Variants in SRMS observed in about 807,000 individuals in gnomAD.
SRMS encodes tyrosine-protein kinase Srms.
Under a neutral mutation model 43.5 loss-of-function variants are expected in SRMS, and 42 were observed. The observed-to-expected ratio is 0.97, with a 90% CI of 0.75 to 1.25. The LOEUF (loss-of-function observed/expected upper bound fraction) is 1.25, where lower values mean the gene tolerates loss of function less well. Among genes scored for constraint, SRMS ranks in the 50% most tolerant of loss-of-function variants. SRMS has a pLI of 0.00. For missense variants in SRMS, 703 were observed against 681.0 expected (o/e 1.03, Z -0.36); for synonymous variants, 316 against 308.2 (o/e 1.03, Z -0.27).
chr20:63,546,863 C>A (rs1035784110), intron 1 of SRMS, among the ~76,000 whole-genome samples: 11 of 152,242 alleles, frequency 7.2e-5, no homozygotes, highest in South Asian at 6.2e-4. Context: ...TGCTCCCCCC[C>A]ACAGGACCTG....
At chr20:63,542,038 G>A in intron 5 of SRMS, 125 bp downstream of exon 5, 5 of 1,369,216 alleles carry the variant, frequency 3.7e-6, no homozygotes, top group Non-Finnish European at 3.9e-6. Context: ...CTGCAGCCGG[G>A]GCCACCTGCT....
In SRMS at chr20:63,542,450, G is replaced by A. The variant is rs2082710258; in HGVS notation, c.777C>T (p.Val259=). 6.2e-7 allele frequency: 1 copy of A among 1,611,750 alleles called. No individual in the cohort carries two copies. The highest frequency in any genetic ancestry group is 1.3e-5 in the African/African-American group (1 of 75,012). The part of the protein sequence containing the change: ...WLGSLPVAIK[V]IKSANMKLTD... ...ATCTCGGGGCCTCACCTGACTTGAT[G>A]ACCTTGATCGCCACGGGCAGGGAGC... is the stretch of plus-strand genomic sequence containing the variant. Residue 259 remains valine (V), a synonymous_variant, in exon 4 of 8, where the codon GTC becomes GTT. Coordinates refer to ENST00000217188, the MANE Select transcript of SRMS (RefSeq NM_080823.4).
rs1189770815 is a variant in SRMS at position 63,541,324 on chromosome 20, G to A, written c.1152C>T (p.Ser384=). 1 of 1,541,388 alleles carries A rather than the reference G, an allele frequency of 6.5e-7. No homozygotes were observed. The highest frequency in any genetic ancestry group is 1.2e-5 in the South Asian group (1 of 80,386). The change falls in exon 7 of 8, where the codon AGC becomes AGT. Residue 384 remains serine (S), a synonymous_variant. Transcript: ENST00000217188. The stretch of plus-strand genomic sequence containing the variant: ...TCCACTTGACCGGGATCTTGGAGCT[G>A]CTGCTCGGGGAGTAGATGTCGTCCT... ...LLKDDIYSPS[S]SSKIPVKWTA... is the part of the protein sequence containing the mutation.
chr20:63,541,744 T>G, intron 5 of SRMS, 124 bp from the exon 6 acceptor site: 1 of 1,256,078 alleles, frequency 8.0e-7, no homozygotes, highest in South Asian at 1.6e-5. Context: ...GAGGATGGCA[T>G]GGCCGGCTAA....
At chr20:63,543,934 A>C (rs945161207) in intron 2 of SRMS, among the ~76,000 whole-genome samples, 2 of 152,188 alleles carry the variant, frequency 1.3e-5, no homozygotes, top group Non-Finnish European at 2.9e-5. Context: ...TGAATTAGTG[A>C]GTGAGGAATG....
intron 1 of SRMS, among the ~76,000 whole-genome samples, chr20:63,546,577 CCGTCT>C (rs1275405583): frequency 6.8e-6 from 1 of 147,018 alleles, no homozygotes; most frequent in African/African-American, 2.7e-5. Context: ...GAGCGTGGGC[CCGTCT>C]CAGCCCCCAG....
At chr20:63,544,153 A>G in intron 2 of SRMS, 74 bp downstream of exon 2, 2 of 1,365,108 alleles carry the variant, frequency 1.5e-6, no homozygotes, top group South Asian at 1.8e-5. Flanking sequence ...AGCACTGCCT[A>G]GAGACCAACC....
chr20:63,542,415 G>C, intron 4 of SRMS, 25 bp downstream of exon 4: 1 of 1,603,210 alleles, frequency 6.2e-7, no homozygotes, highest in South Asian at 1.1e-5. Flanking sequence ...GGGCCCGGCC[G>C]TGGCGCAGGA....
At chr20:63,546,823 G>T (rs1300800136) in intron 1 of SRMS, among the ~76,000 whole-genome samples, 1 of 152,218 alleles carries the variant, frequency 6.6e-6, no homozygotes. Context: ...TGGAGGAACC[G>T]CCTGCTGGGT....
intron 3 of SRMS, among the ~76,000 whole-genome samples, 177 bp from the exon 4 acceptor site, chr20:63,542,758 G>A (rs2082711868): frequency 6.6e-6 from 1 of 152,222 alleles, no homozygotes; most frequent in Admixed American, 6.5e-5. Flanking sequence ...CAGCCCCGTG[G>A]GAGCTCATTG....
At chr20:63,542,132 A>T (rs1371612767) in intron 5 of SRMS, 31 bp downstream of exon 5, 2 of 1,590,772 alleles carry the variant, frequency 1.3e-6, no homozygotes, top group African/African-American at 2.7e-5. Flanking sequence ...CAGGCGCGTC[A>T]GGGCCACGTG....
Position 63,541,832 on chromosome 20 carries a change from C to T in SRMS, c.947-212G>A, listed in dbSNP as rs935980457. On this transcript the variant is annotated intron_variant, in intron 5 of 7. Coordinates refer to ENST00000217188, the MANE Select transcript of SRMS (RefSeq NM_080823.4). The stretch of plus-strand genomic sequence containing the variant: ...TGACCCGGCAGCCGGCCCAGGCCCC[C>T]GACAAAGACCAGGGCAGAGAAGAGC... Among the ~76,000 whole-genome samples the T allele has an allele frequency of 2.6e-5, 4 of 152,252 alleles. No homozygotes were observed. The South Asian group carries it at 6.2e-4, about 24-fold the overall frequency.
At position 63,543,438 on chromosome 20, in the gene SRMS, G is replaced by T; in HGVS notation, c.521C>A (p.Ala174Glu). The T allele has an allele frequency of 6.2e-7, 1 of 1,612,852 alleles. No individual in the cohort carries two copies. The highest frequency in any genetic ancestry group is 1.7e-5 in the Admixed American group (1 of 60,028). ...AKVCHYRVSM[A>E]ADGSLYLQKG... ...CTGCAGGTAGAGGCTGCCATCAGCTGCCATGGAGACCCGGTAGTGGCAGAC... is the reference window on the plus strand; with the variant it reads ...CTGCAGGTAGAGGCTGCCATCAGCTTCCATGGAGACCCGGTAGTGGCAGAC... The change falls in exon 3 of 8, where the codon GCA becomes GAA. Residue 174 changes from alanine (A) to glutamate (E), a missense_variant. Ala to Glu is a moderately radical substitution (Grantham distance 107, BLOSUM62 -1). Transcript: ENST00000217188.
intron 5 of SRMS, 44 bp downstream of exon 5, chr20:63,542,119 T>C (rs1465847854): frequency 2.5e-6 from 4 of 1,576,278 alleles, no homozygotes; most frequent in Non-Finnish European, 3.5e-6. Context: ...GAAGGGGCGG[T>C]CGCAGGCGCG....
Position 63,542,570 on chromosome 20 carries a change from C to T in SRMS, c.657G>A (p.Arg219=). 1 of 1,610,726 alleles carries T rather than the reference C, an allele frequency of 6.2e-7. No homozygotes were observed. Among genetic ancestry groups the T allele is most frequent in the Non-Finnish European group, 8.5e-7 (1 of 1,178,746 alleles). The change falls in exon 4 of 8, where the codon AGG becomes AGA. Residue 219 remains arginine, a synonymous_variant. Coordinates refer to ENST00000217188, the MANE Select transcript of SRMS (RefSeq NM_080823.4). ...LQPCMPQKAP[R]QDVWERPHSE... Reference sequence around the variant, plus strand: ...AGTGTGGCCGCTCCCACACGTCCTGCCTCGGGGCCTTCTGCAGGGAGGGTG... The same window carrying T: ...AGTGTGGCCGCTCCCACACGTCCTGTCTCGGGGCCTTCTGCAGGGAGGGTG...
In SRMS at chr20:63,542,163, T is replaced by TG; in HGVS notation, c.945dup (p.Thr316HisfsTer21). The stretch of plus-strand genomic sequence containing the variant: ...ACGTGGCAGCAGGGAGGGGACTCAC[T>TG]GCCCAGGAAGGCCTGCAGGTTCCCC... On this transcript the variant is annotated frameshift_variant and splice_region_variant, in exon 5 of 8. Coordinates refer to ENST00000217188, the MANE Select transcript of SRMS (RefSeq NM_080823.4). LOFTEE classifies it high-confidence loss of function. 6.2e-7 allele frequency: 1 copy of TG among 1,605,372 alleles called. No individual in the cohort carries two copies. Among genetic ancestry groups the TG allele is most frequent in the East Asian group, 2.2e-5 (1 of 44,516 alleles).
intron 1 of SRMS, among the ~76,000 whole-genome samples, chr20:63,546,231 T>C (rs1053341695): frequency 5.3e-5 from 8 of 152,148 alleles, no homozygotes; most frequent in Non-Finnish European, 8.8e-5. Flanking sequence ...GGGGCAGGTG[T>C]GGGGTGAGGG....
rs2145981193 is a variant in SRMS, at chr20:63,539,363, G to A, written c.*1455C>T. ...GGGCCACCTGTCTCTGCACACGGGA[G>A]TCTCATCTCTTAGCTCCCTCCTGAG... On this transcript the variant is annotated 3_prime_UTR_variant, in exon 8 of 8. Transcript: ENST00000217188. Among the ~76,000 whole-genome samples the A allele has an allele frequency of 6.6e-6, 1 of 152,354 alleles. No homozygotes were observed. Among genetic ancestry groups the A allele is most frequent in the East Asian group, 1.9e-4 (1 of 5,192 alleles).
intron 3 of SRMS, among the ~76,000 whole-genome samples, 167 bp from the exon 4 acceptor site, chr20:63,542,748 C>T (rs1478392176): frequency 1.3e-5 from 2 of 152,230 alleles, no homozygotes; most frequent in Non-Finnish European, 2.9e-5. Context: ...AGGCCCGGCC[C>T]AGCCCCGTGG....
Sources: gnomAD v4.1 joint callset for allele counts (sites outside exome capture counted in the v4.1 genomes callset) on GRCh38, gnomAD v4.1.1 for gene constraint, MANE v1.5 for transcripts, NCBI Gene and HGNC (gene_info 2026-07-23, HGNC 2026-07-21) for gene names.